Variants in HIVEP1 observed in about 807,000 individuals in gnomAD.
HIVEP1 encodes HIVEP zinc finger 1, also known as zinc finger protein 40.
Under a neutral mutation model 180.0 loss-of-function variants are expected in HIVEP1, and 36 were observed. That is an observed-to-expected ratio of 0.20 (90% CI 0.15 to 0.26). The LOEUF (loss-of-function observed/expected upper bound fraction) is 0.26, where lower values mean the gene tolerates loss of function less well. HIVEP1 is among the 10% of genes least tolerant of loss of function. The probability of loss-of-function intolerance (pLI) is 1.00; values close to 1 mark genes in which losing one functional copy is unlikely to be tolerated. For synonymous variants in HIVEP1, 1,239 were observed against 1,239.0 expected (o/e 1.00, Z 0.00); for missense variants, 3,143 against 3,268.7 (o/e 0.96, Z 0.94).
At chr6:12,012,802 C>T (rs953351789) in intron 1 of HIVEP1, 24 of 152,996 alleles carry the variant, frequency 1.6e-4, no homozygotes, top group Non-Finnish European at 2.5e-4. Context: ...ACAGAGGGAC[C>T]CAGCCTCCCC....
chr6:12,144,549 G>A (rs1759247224), intron 7 of HIVEP1, among the ~76,000 whole-genome samples: 1 of 152,206 alleles, frequency 6.6e-6, no homozygotes, highest in Admixed American at 6.5e-5. Flanking sequence ...TTAAACTAAA[G>A]AGCTTCTGCA....
Position 12,123,913 on chromosome 6 carries a change from G to A in HIVEP1, c.4118G>A (p.Cys1373Tyr), listed in dbSNP as rs781462436. 1.9e-6 allele frequency: 3 copies of A among 1,614,100 alleles called. No homozygotes were observed. The highest frequency in any genetic ancestry group is 2.2e-5 in the South Asian group (2 of 91,074). Residue 1373 changes from cysteine to tyrosine, a missense_variant, in exon 4 of 9, where the codon TGC (cysteine) becomes TAC (tyrosine). Around this residue, in one of 12 missense-constraint regions of HIVEP1, gnomAD observed 1,357 missense variants for 1,260.5 expected, o/e 1.08. Coordinates refer to ENST00000379388, the MANE Select transcript of HIVEP1 (RefSeq NM_002114.4). ...MRRTASEQIN[C>Y]TQTSMEVSDL... ...CGTACTGCATCAGAACAGATTAATT[G>A]CACGCAAACGTCAATGGAGGTCTCT...
rs779182022 is a variant in HIVEP1 at position 12,121,562 on chromosome 6, T to C, written c.1767T>C (p.Ser589=). The change falls in exon 4 of 9, where the codon AGT becomes AGC. Residue 589 remains serine, a synonymous_variant. Transcript: ENST00000379388. The surrounding 1 kb of genome is among the most constrained non-coding windows in gnomAD (Gnocchi z 5.3). ...KAMDPKPELS[S]AQKQKDLQVT... is the part of the protein sequence containing the mutation. ...TGGATCCCAAGCCTGAACTTTCTAG[T>C]GCACAAAAGCAGAAGGACCTTCAGG... 9.3e-6 allele frequency: 15 copies of C among 1,614,070 alleles called. No individual in the cohort carries two copies. The highest frequency in any genetic ancestry group is 1.2e-5 in the Non-Finnish European group (14 of 1,180,008).
At chr6:12,070,366 T>G (rs1037981828) in intron 2 of HIVEP1, among the ~76,000 whole-genome samples, 3 of 152,192 alleles carry the variant, frequency 2.0e-5, no homozygotes, top group Non-Finnish European at 4.4e-5. Flanking sequence ...TGCATTATGA[T>G]GTAGAAAGCC....
At chr6:12,177,438 A>G in the HIVEP1 span, among the ~76,000 whole-genome samples, 1 of 152,318 alleles carries the variant, frequency 6.6e-6, no homozygotes, top group African/African-American at 2.4e-5. Flanking sequence ...TCTAAACTTG[A>G]GAAAGTCATT....
intron 3 of HIVEP1, among the ~76,000 whole-genome samples, chr6:12,093,397 G>C (rs1225894714): frequency 6.6e-6 from 1 of 151,040 alleles, no homozygotes; most frequent in Non-Finnish European, 1.5e-5. Context: ...TTAATTTCTT[G>C]ATTTTGTGAT....
Position 12,049,870 on chromosome 6 carries a change from A to G in HIVEP1, c.40+34202A>G, listed in dbSNP as rs185760697. Among the ~76,000 whole-genome samples, 139 of 152,134 alleles carry G rather than the reference A, an allele frequency of 9.1e-4. 3 individuals are homozygous for G. The East Asian group carries it at 0.021, about 22-fold the overall frequency. On this transcript the variant is annotated intron_variant, in intron 2 of 8. Coordinates refer to ENST00000379388, the MANE Select transcript of HIVEP1 (RefSeq NM_002114.4). Reference sequence around the variant, plus strand: ...GTTGTGAAATTTTTCTTCCTTTTTGATGTAACTGTTAGAATTTGATGAACT... The same window carrying G: ...GTTGTGAAATTTTTCTTCCTTTTTGGTGTAACTGTTAGAATTTGATGAACT...
chr6:12,174,145 C>T, the HIVEP1 span, among the ~76,000 whole-genome samples: 1 of 152,104 alleles, frequency 6.6e-6, no homozygotes, highest in East Asian at 1.9e-4. Flanking sequence ...CATGTGCAAT[C>T]ATAATAATTA....
intron 7 of HIVEP1, among the ~76,000 whole-genome samples, chr6:12,149,036 T>C (rs1759534675): frequency 6.6e-6 from 1 of 152,168 alleles, no homozygotes; most frequent in South Asian, 2.1e-4. Context: ...CAAGTCTTGA[T>C]CAGTATGAAA....
chr6:12,061,501 C>T lies in HIVEP1; in HGVS notation c.41-27683C>T, dbSNP rs78970061. Among the ~76,000 whole-genome samples, 1,062 of 151,968 alleles carry T rather than the reference C, an allele frequency of 7.0e-3. 9 individuals carry two copies. Among genetic ancestry groups the T allele is most frequent in the African/African-American group, 0.024 (1,002 of 41,444 alleles). ...GTGTAGCTGGCTAATAGAAGAAAAA[C>T]GAAACAATGAAAGTTAGAAGATTTT... is the stretch of plus-strand genomic sequence containing the variant. On this transcript the variant is annotated intron_variant, in intron 2 of 8. Transcript: ENST00000379388.
At chr6:12,119,246 G>A (rs1309059953) in intron 3 of HIVEP1, among the ~76,000 whole-genome samples, 1 of 152,202 alleles carries the variant, frequency 6.6e-6, no homozygotes, top group African/African-American at 2.4e-5. Context: ...GGAAAGGGAG[G>A]GGAGGTTTGG....
intron 3 of HIVEP1, among the ~76,000 whole-genome samples, chr6:12,111,260 C>T (rs1774873639): frequency 6.6e-6 from 1 of 152,238 alleles, no homozygotes; most frequent in East Asian, 1.9e-4. Context: ...CCAAGACAGA[C>T]TTGCTCCATG....
chr6:12,158,007 G>C (rs1052936251), intron 7 of HIVEP1, among the ~76,000 whole-genome samples: 2 of 152,148 alleles, frequency 1.3e-5, no homozygotes, highest in Non-Finnish European at 2.9e-5. Flanking sequence ...AGTCCCATCT[G>C]TTATTGTCTA....
At chr6:12,210,136 T>C in the HIVEP1 span, among the ~76,000 whole-genome samples, 2 of 151,764 alleles carry the variant, frequency 1.3e-5, no homozygotes, top group East Asian at 1.9e-4. Context: ...TTATGGTACA[T>C]GTGAACTAGT....
At chr6:12,014,538 G>C (rs924181570) in intron 1 of HIVEP1, among the ~76,000 whole-genome samples, 1 of 152,154 alleles carries the variant, frequency 6.6e-6, no homozygotes, top group African/African-American at 2.4e-5. Context: ...CTTCCTTACT[G>C]TTCTATTCTT....
intron 7 of HIVEP1, among the ~76,000 whole-genome samples, chr6:12,148,776 T>C (rs1445346744): frequency 6.6e-6 from 1 of 152,170 alleles, no homozygotes; most frequent in Non-Finnish European, 1.5e-5. Context: ...TTGGTGGCTT[T>C]TCAGACACCT....
intron 2 of HIVEP1, among the ~76,000 whole-genome samples, chr6:12,025,914 C>T (rs1768553783): frequency 6.6e-6 from 1 of 152,130 alleles, no homozygotes; most frequent in African/African-American, 2.4e-5. Flanking sequence ...GTGGCAGGTC[C>T]CTCTAATCCC....
At chr6:12,118,088 A>G (rs1371975372) in intron 3 of HIVEP1, among the ~76,000 whole-genome samples, 2 of 151,460 alleles carry the variant, frequency 1.3e-5, no homozygotes, top group Non-Finnish European at 2.9e-5. Flanking sequence ...TAATACTGAT[A>G]CTTTTTTCTA....
chr6:12,105,679 G>C (rs1774378002), intron 3 of HIVEP1, among the ~76,000 whole-genome samples: 1 of 151,968 alleles, frequency 6.6e-6, no homozygotes, highest in Non-Finnish European at 1.5e-5. Context: ...TTTCTCACTT[G>C]CTTTTTAAAA....
Sources: gnomAD v4.1 joint callset for allele counts (sites outside exome capture counted in the v4.1 genomes callset) on GRCh38, gnomAD v4.1.1 for gene constraint, gnomAD v4.1.1 regional missense constraint, Gnocchi (gnomAD v3.1) non-coding constraint, MANE v1.5 for transcripts, NCBI Gene and HGNC (gene_info 2026-07-23, HGNC 2026-07-21) for gene names.